Variants in GPR19 observed in about 807,000 individuals in gnomAD.
GPR19 encodes the protein G protein-coupled receptor 19.
Under a neutral mutation model 28.5 loss-of-function variants are expected in GPR19, and 14 were observed. The observed-to-expected ratio is 0.49, with a 90% CI of 0.32 to 0.77. The LOEUF is 0.77. GPR19 is among the 30% of genes least tolerant of loss of function. The pLI, the probability that GPR19 is intolerant of heterozygous loss-of-function variation, is 0.03. For synonymous variants in GPR19, 173 were observed against 184.1 expected (o/e 0.94, Z 0.49); for missense variants, 409 against 504.1 (o/e 0.81, Z 1.81).
chr12:12,716,609 TTTTG>T, the GPR19 span: 1 of 188,182 alleles, frequency 5.3e-6, no homozygotes, highest in Non-Finnish European at 6.1e-6. Flanking sequence ...GACTAGAGTT[TTTTG>T]TTTTTTTTTT....
the GPR19 span, chr12:12,716,976 T>G: frequency 1.0e-6 from 1 of 992,022 alleles, no homozygotes; most frequent in African/African-American, 1.7e-5. Context: ...TTCGCGGTCC[T>G]CTGGTCCAGG....
chr12:12,716,572 C>A, the GPR19 span, among the ~76,000 whole-genome samples: 1 of 151,146 alleles, frequency 6.6e-6, no homozygotes, highest in Non-Finnish European at 1.5e-5. Flanking sequence ...TCTGAGACAG[C>A]TACAAAGTTT....
At chr12:12,715,914 A>G in the GPR19 span, 1 of 152,258 alleles carries the variant, frequency 6.6e-6, no homozygotes, top group African/African-American at 2.4e-5. Context: ...AGATGTGGCT[A>G]AGAAAACAAG....
the GPR19 span, among the ~76,000 whole-genome samples, chr12:12,716,107 TG>T: frequency 6.6e-6 from 1 of 152,212 alleles, no homozygotes; most frequent in Admixed American, 6.5e-5. Flanking sequence ...AGGGCAGCCC[TG>T]CTCATCGTCC....
At chr12:12,710,307 C>T in the GPR19 span, among the ~76,000 whole-genome samples, 3 of 146,330 alleles carry the variant, frequency 2.1e-5, no homozygotes, top group Non-Finnish European at 4.5e-5. Context: ...GAGCCAAGAT[C>T]GTGCCATTAC....
chr12:12,674,191 G>A lies in GPR19; in HGVS notation c.-23+10160C>T, dbSNP rs141146353. ...TGTACCACTGCACTCCAACCTGGGC[G>A]ACAGCCAGACTTTGTCTCAAAAAAA... On this transcript the variant is annotated intron_variant, in intron 3 of 3. Coordinates refer to ENST00000651487, the MANE Select transcript of GPR19 (RefSeq NM_006143.3). 4.6e-3 allele frequency among the ~76,000 whole-genome samples: 551 copies of A among 120,932 alleles called. 3 individuals carry two copies. Among genetic ancestry groups the A allele is most frequent in the African/African-American group, 0.017 (533 of 30,660 alleles). 79.3% of individuals were successfully genotyped at this position (120,932 alleles called of 152,430 possible).
At chr12:12,683,728 G>T (rs1175921263) in intron 3 of GPR19, among the ~76,000 whole-genome samples, 1 of 152,200 alleles carries the variant, frequency 6.6e-6, no homozygotes, top group Non-Finnish European at 1.5e-5. Flanking sequence ...ATGAAAATTT[G>T]AGTTCACGGC....
At chr12:12,682,323 C>T (rs145544153) in intron 3 of GPR19, among the ~76,000 whole-genome samples, 187 of 152,324 alleles carry the variant, frequency 1.2e-3, no homozygotes, top group African/African-American at 4.1e-3. Context: ...ATATAAACTT[C>T]AGGCATAATT....
upstream of GPR19, among the ~76,000 whole-genome samples, chr12:12,700,704 T>C (rs756591259): frequency 1.3e-5 from 2 of 152,232 alleles, no homozygotes; most frequent in Non-Finnish European, 2.9e-5. Context: ...AGGGCCATGC[T>C]GTCCAATACA....
chr12:12,661,686 T>C lies in GPR19; in HGVS notation c.763A>G (p.Thr255Ala). 1 of 1,614,158 alleles carries C rather than the reference T, an allele frequency of 6.2e-7. No homozygotes were observed. Among genetic ancestry groups the C allele is most frequent in the Admixed American group, 1.7e-5 (1 of 60,026 alleles). The part of the protein sequence containing the change: ...KVIKYIWRIG[T>A]DGRTVRRTMN... ...GTCCTCCTCACCGTTCGGCCATCTG[T>C]GCCTATTCTCCAAATATATTTTATG... The change falls in exon 4 of 4, where the codon ACA (threonine) becomes GCA (alanine). Residue 255 changes from threonine (T) to alanine (A), a missense_variant. Transcript: ENST00000651487. This position sits in a 1 kb window ranked among gnomAD's most constrained non-coding sequence, Gnocchi z 4.2.
At chr12:12,702,166 G>C in the GPR19 span, among the ~76,000 whole-genome samples, 1 of 151,870 alleles carries the variant, frequency 6.6e-6, no homozygotes, top group Non-Finnish European at 1.5e-5. Flanking sequence ...CTGATGACTA[G>C]CCTTATGGTT....
At chr12:12,713,357 C>T in the GPR19 span, among the ~76,000 whole-genome samples, 1 of 151,944 alleles carries the variant, frequency 6.6e-6, no homozygotes, top group South Asian at 2.1e-4. Context: ...GAGCACCGTG[C>T]CCAGCCCTGA....
chr12:12,674,961 G>A (rs1033337712), intron 3 of GPR19, among the ~76,000 whole-genome samples: 2 of 152,124 alleles, frequency 1.3e-5, no homozygotes. Flanking sequence ...CCCTCCCCTG[G>A]GCTGGGGTCA....
chr12:12,707,989 C>CTTTTTTTTTTTT, the GPR19 span, among the ~76,000 whole-genome samples: 2 of 62,442 alleles, frequency 3.2e-5, 1 homozygote, highest in African/African-American at 1.1e-4. Flanking sequence ...ATTTCCTATT[C>CTTTTTTTTTTTT]TTTTTTTTTT....
intron 3 of GPR19, among the ~76,000 whole-genome samples, chr12:12,677,872 G>A (rs1008791319): frequency 2.6e-5 from 4 of 151,516 alleles, no homozygotes; most frequent in Non-Finnish European, 5.9e-5. Context: ...TCAGGAATTC[G>A]AAACCAGCCT....
upstream of GPR19, among the ~76,000 whole-genome samples, chr12:12,698,679 C>T (rs1214135617): frequency 6.6e-6 from 1 of 151,660 alleles, no homozygotes. Flanking sequence ...GGCTTGATCT[C>T]GGCTCACTGT....
chr12:12,666,353 C>T (rs1289871475), intron 3 of GPR19, among the ~76,000 whole-genome samples: 1 of 152,208 alleles, frequency 6.6e-6, no homozygotes, highest in Non-Finnish European at 1.5e-5. Flanking sequence ...CTTGCTCATA[C>T]AGCATCTTGT....
At chr12:12,680,732 A>G (rs1402016351) in intron 3 of GPR19, among the ~76,000 whole-genome samples, 1 of 151,762 alleles carries the variant, frequency 6.6e-6, no homozygotes, top group Non-Finnish European at 1.5e-5. Flanking sequence ...TCTGTCACCC[A>G]GGCTGGAGAG....
At position 12,662,478 on chromosome 12, in the gene GPR19, G is replaced by T; in HGVS notation, c.-22-8C>A. ...ACTTTTTTTCTCTTAATTCTGGTTG[G>T]GGAAAAGAAGAATGAGGCCTCCTGT... On this transcript the variant is annotated splice_region_variant and splice_polypyrimidine_tract_variant and intron_variant, in intron 3 of 3. Coordinates refer to ENST00000651487, the MANE Select transcript of GPR19 (RefSeq NM_006143.3). 6.3e-7 allele frequency: 1 copy of T among 1,599,772 alleles called. No homozygotes were observed. Among genetic ancestry groups the T allele is most frequent in the South Asian group, 1.1e-5 (1 of 89,684 alleles).
Sources: allele counts gnomAD v4.1 joint callset (sites outside exome capture counted in the v4.1 genomes callset), GRCh38; gene constraint gnomAD v4.1.1; non-coding constraint Gnocchi (gnomAD v3.1); transcripts MANE v1.5; gene names NCBI Gene and HGNC (gene_info 2026-07-23, HGNC 2026-07-21).